SCRG1: variants seen among roughly 807,000 people sequenced by gnomAD.
SCRG1 encodes stimulator of chondrogenesis 1.
SCRG1 carries 3 observed loss-of-function variants against 7.7 expected under a neutral mutation model. The ratio of observed to expected loss-of-function variants is 0.39; its 90% CI spans 0.18 to 1.01. The LOEUF (loss-of-function observed/expected upper bound fraction) is 1.01, where lower values mean the gene tolerates loss of function less well. SCRG1 is among the 50% of genes least tolerant of loss of function. The pLI is 0.36. For synonymous variants in SCRG1, 46 were observed against 41.2 expected, an observed-to-expected ratio of 1.12 and a Z score of -0.44; for missense variants, 110 against 117.2, an observed-to-expected ratio of 0.94 and a Z score of 0.28.
At chr4:173,439,015 T>C in the SCRG1 span, among the ~76,000 whole-genome samples, 1 of 151,928 alleles carries the variant, frequency 6.6e-6, no homozygotes, top group African/African-American at 2.4e-5. Context: ...GCAGATGTGA[T>C]GTATACACTT....
At chr4:173,514,133 T>C in the SCRG1 span, among the ~76,000 whole-genome samples, 87,693 of 152,002 alleles carry the variant, frequency 0.58, 29,731 homozygotes, top group Non-Finnish European at 0.77. Flanking sequence ...GACTAGAAAA[T>C]ATTTGTTCAG....
chr4:173,450,881 C>A, the SCRG1 span, among the ~76,000 whole-genome samples: 1 of 152,060 alleles, frequency 6.6e-6, no homozygotes, highest in African/African-American at 2.4e-5. Context: ...GGGGAAAGGC[C>A]TGACCCAGGG....
chr4:173,483,787 TATCATATA>T, the SCRG1 span, among the ~76,000 whole-genome samples: 11 of 78,946 alleles, frequency 1.4e-4, 4 homozygotes, highest in East Asian at 2.1e-3. Flanking sequence ...ATATATCATA[TATCATATA>T]TATGATATAT....
At chr4:173,508,423 C>G in the SCRG1 span, among the ~76,000 whole-genome samples, 1 of 152,170 alleles carries the variant, frequency 6.6e-6, no homozygotes, top group Non-Finnish European at 1.5e-5. The surrounding 1 kb of genome is among the most constrained non-coding windows in gnomAD (Gnocchi z 4.4). Flanking sequence ...TATGCCCACA[C>G]TTTGACAGTA....
upstream of SCRG1, among the ~76,000 whole-genome samples, chr4:173,410,776 T>A (rs957385542): frequency 1.3e-5 from 2 of 152,056 alleles, no homozygotes; most frequent in South Asian, 2.1e-4. Context: ...CTGGACTTTT[T>A]AAAAAAAACT....
the SCRG1 span, among the ~76,000 whole-genome samples, chr4:173,482,931 T>G: frequency 6.8e-4 from 94 of 137,654 alleles, no homozygotes; most frequent in African/African-American, 2.3e-3. Flanking sequence ...ATATAATATA[T>G]TATATATGAA....
the SCRG1 span, among the ~76,000 whole-genome samples, chr4:173,471,917 C>T: frequency 3.0e-4 from 46 of 152,316 alleles, no homozygotes; most frequent in South Asian, 3.3e-3. Flanking sequence ...CCATGTTGGT[C>T]AGGCTGGTCT....
Position 173,388,334 on chromosome 4 carries a change from A to T in SCRG1, c.*7T>A, listed in dbSNP as rs1482870766. 5.0e-6 allele frequency: 8 copies of T among 1,607,970 alleles called. No homozygotes were observed. Among genetic ancestry groups the T allele is most frequent in the Non-Finnish European group, 6.8e-6 (8 of 1,175,234 alleles). The stretch of plus-strand genomic sequence containing the variant: ...GGAATGGTGTTCTCCAGAATACATG[A>T]AGATTCTCATTGATTGTTGCAAGGA... On this transcript the variant is annotated 3_prime_UTR_variant, in exon 3 of 3. Coordinates refer to ENST00000296506, the MANE Select transcript of SCRG1 (RefSeq NM_007281.4).
intron 1 of SCRG1, among the ~76,000 whole-genome samples, chr4:173,395,333 T>C (rs1275013293): frequency 1.3e-5 from 2 of 152,210 alleles, no homozygotes; most frequent in Non-Finnish European, 2.9e-5. Context: ...AAATGAATGA[T>C]TTTCCAAAAA....
chr4:173,502,414 T>C, the SCRG1 span, among the ~76,000 whole-genome samples: 2 of 152,166 alleles, frequency 1.3e-5, no homozygotes, highest in Non-Finnish European at 2.9e-5. This position sits in a 1 kb window ranked among gnomAD's most constrained non-coding sequence, Gnocchi z 4.6. Flanking sequence ...CAGTCAACAT[T>C]TGGAGCCCTG....
chr4:173,452,923 C>T, the SCRG1 span, among the ~76,000 whole-genome samples: 1 of 152,272 alleles, frequency 6.6e-6, no homozygotes, highest in East Asian at 1.9e-4. Flanking sequence ...AGCTGAAGCT[C>T]CCATGGAAAG....
chr4:173,435,199 T>C, the SCRG1 span, among the ~76,000 whole-genome samples: 1 of 151,876 alleles, frequency 6.6e-6, no homozygotes, highest in East Asian at 1.9e-4. Context: ...CCACTTAAAG[T>C]ATGAGGAGCT....
At position 173,384,788 on chromosome 4, in the gene SCRG1, T is replaced by G. The variant is rs1739201439; in HGVS notation, c.*3553A>C. ...CAACTTTGTGCTCAGTAACGTGGGA[T>G]TCACAGTAAGAACAATGATATAGAA... On this transcript the variant is annotated 3_prime_UTR_variant, in exon 3 of 3. Coordinates refer to ENST00000296506, the MANE Select transcript of SCRG1 (RefSeq NM_007281.4). The G allele has an allele frequency of 6.6e-6, 1 of 152,208 alleles. No individual in the cohort carries two copies. Among genetic ancestry groups the G allele is most frequent in the Non-Finnish European group, 1.5e-5 (1 of 68,028 alleles). The allele number at this position is 152,208 out of a possible 1,614,324, so 9.4% of individuals were successfully genotyped here.
At chr4:173,483,697 ATCATATATATGATATATTATAT>A in the SCRG1 span, among the ~76,000 whole-genome samples, 1 of 10,558 alleles carries the variant, frequency 9.5e-5, no homozygotes, top group African/African-American at 2.2e-4. Flanking sequence ...ATTGTGATAT[ATCATATATATGATATATTATAT>A]TGTGATATAT....
chr4:173,479,451 T>TG, the SCRG1 span, among the ~76,000 whole-genome samples: 1 of 149,200 alleles, frequency 6.7e-6, no homozygotes. Flanking sequence ...TTGTTTTTTT[T>TG]TTTTTTTGAG....
chr4:173,481,963 C>CT, the SCRG1 span, among the ~76,000 whole-genome samples: 66 of 148,256 alleles, frequency 4.5e-4, no homozygotes, highest in South Asian at 6.4e-4. Context: ...CAAGAGTCAA[C>CT]TTTTTTTTTT....
chr4:173,476,361 A>ATATATATATATATATATATATATAT, the SCRG1 span, among the ~76,000 whole-genome samples: 52 of 51,384 alleles, frequency 1.0e-3, no homozygotes, highest in African/African-American at 2.2e-3. Context: ...GGGGAAAAAA[A>ATATATATATATATATATATATATAT]AAATATATAT....
Position 173,391,235 on chromosome 4 carries a change from C to T in SCRG1, c.180G>A (p.Trp60Ter). 6.2e-7 allele frequency: 1 copy of T among 1,614,158 alleles called. No homozygotes were observed. The highest frequency in any genetic ancestry group is 8.5e-7 in the Non-Finnish European group (1 of 1,180,006). The change falls in exon 2 of 3, where the codon TGG (tryptophan) becomes TGA (stop). Residue 60 changes from tryptophan (W) to a stop codon, truncating the protein, a stop_gained. Transcript: ENST00000296506. LOFTEE classifies it high-confidence loss of function. ...QIDVNVQDHF[W>*]DGKGCEMICY... The stretch of plus-strand genomic sequence containing the variant: ...AGATCATCTCACATCCCTTCCCATC[C>T]CAGAAATGATCCTGGACATTGACAT...
chr4:173,396,712 T>TTGTGTGTGTGTGTGTGTG (rs71594043), intron 1 of SCRG1, among the ~76,000 whole-genome samples: 70 of 107,032 alleles, frequency 6.5e-4, no homozygotes, highest in Non-Finnish European at 8.3e-4. Context: ...ACTGGTAGTT[T>TTGTGTGTGTGTGTGTGTG]TGTGTGTGTG....
Sources: allele counts gnomAD v4.1 joint callset (sites outside exome capture counted in the v4.1 genomes callset), GRCh38; gene constraint gnomAD v4.1.1; non-coding constraint Gnocchi (gnomAD v3.1); transcripts MANE v1.5; gene names NCBI Gene and HGNC (gene_info 2026-07-23, HGNC 2026-07-21).